NADK2: variants seen among roughly 807,000 people sequenced by gnomAD.
The protein encoded by NADK2 is NAD kinase 2, mitochondrial.
In NADK2, 35 loss-of-function variants were observed where a neutral mutation model predicts 62.1. The observed-to-expected ratio is 0.56, with a 90% CI of 0.43 to 0.75. The LOEUF is 0.75. Ranked by LOEUF, NADK2 falls within the 30% of genes least tolerant of loss-of-function variation. The pLI is 0.00. For synonymous variants in NADK2, 205 were observed against 207.9 expected (o/e 0.99, Z 0.12); for missense variants, 439 against 561.3 (o/e 0.78, Z 2.20).
chr5:36,226,999 G>A (rs190555614), intron 2 of NADK2, among the ~76,000 whole-genome samples: 11 of 152,126 alleles, frequency 7.2e-5, no homozygotes, highest in African/African-American at 9.6e-5. Flanking sequence ...ACCAGACACC[G>A]GAATAGTGAC....
intron 11 of NADK2, among the ~76,000 whole-genome samples, chr5:36,196,609 G>T (rs1407903946): frequency 6.6e-6 from 1 of 152,050 alleles, no homozygotes; most frequent in African/African-American, 2.4e-5. Context: ...TGGATTACTG[G>T]CAGTTCTTAC....
At chr5:36,211,803 A>C in intron 7 of NADK2, 41 bp downstream of exon 7, 1 of 1,530,536 alleles carries the variant, frequency 6.5e-7, no homozygotes, top group Non-Finnish European at 9.0e-7. Context: ...AAAGCACTAA[A>C]ACATTAAATT....
intron 7 of NADK2, among the ~76,000 whole-genome samples, chr5:36,207,749 T>G (rs1579606293): frequency 6.6e-6 from 1 of 152,282 alleles, no homozygotes; most frequent in East Asian, 1.9e-4. Context: ...ATGTACCTTT[T>G]GAATTGGTAG....
At chr5:36,208,133 G>T (rs1353877025) in intron 7 of NADK2, among the ~76,000 whole-genome samples, 1 of 152,076 alleles carries the variant, frequency 6.6e-6, no homozygotes, top group African/African-American at 2.4e-5. Context: ...GGACATGCTT[G>T]CAAACACTAA....
intron 5 of NADK2, among the ~76,000 whole-genome samples, chr5:36,218,616 CT>C (rs1747137421): frequency 6.6e-6 from 1 of 152,166 alleles, no homozygotes; most frequent in South Asian, 2.1e-4. Context: ...TCACAAACAT[CT>C]GTGGGAAAAG....
intron 6 of NADK2, among the ~76,000 whole-genome samples, chr5:36,216,552 T>C (rs1747051596): frequency 6.6e-6 from 1 of 152,158 alleles, no homozygotes; most frequent in Non-Finnish European, 1.5e-5. Flanking sequence ...GTATAATCTT[T>C]TGATTTTGAA....
intron 7 of NADK2, chr5:36,208,484 T>A: frequency 4.9e-6 from 3 of 614,982 alleles, no homozygotes; most frequent in Non-Finnish European, 8.5e-6. Context: ...GAAAGACAAG[T>A]ACAGTCAGGT....
intron 4 of NADK2, among the ~76,000 whole-genome samples, 198 bp downstream of exon 4, chr5:36,225,344 C>T (rs1447864734): frequency 6.6e-6 from 1 of 152,114 alleles, no homozygotes; most frequent in Non-Finnish European, 1.5e-5. Context: ...AGACACCATA[C>T]ACCTAGTAAA....
At chr5:36,200,741 G>C (rs547781152) in intron 9 of NADK2, among the ~76,000 whole-genome samples, 33 of 151,974 alleles carry the variant, frequency 2.2e-4, no homozygotes, top group African/African-American at 6.8e-4. Context: ...AGCTGACTTG[G>C]TTATTAGATC....
At chr5:36,221,672 T>C (rs1370320800) in intron 4 of NADK2, 1 of 152,194 alleles carries the variant, frequency 6.6e-6, no homozygotes, top group Non-Finnish European at 1.5e-5. Context: ...TTCTTCTAGC[T>C]AGAAAATAGA....
intron 4 of NADK2, chr5:36,221,950 G>A (rs983189867): frequency 6.6e-6 from 1 of 151,914 alleles, no homozygotes; most frequent in African/African-American, 2.4e-5. Context: ...GCTAGACTGG[G>A]GTTCTATCCC....
intron 1 of NADK2, among the ~76,000 whole-genome samples, chr5:36,235,993 T>C (rs886413725): frequency 6.6e-6 from 1 of 151,998 alleles, no homozygotes; most frequent in African/African-American, 2.4e-5. Context: ...ATTACAAAGT[T>C]CACTGATAGT....
intron 1 of NADK2, among the ~76,000 whole-genome samples, chr5:36,238,143 A>G (rs921094631): frequency 6.6e-6 from 1 of 152,222 alleles, no homozygotes; most frequent in African/African-American, 2.4e-5. Flanking sequence ...CTTATTGCAT[A>G]CAATGTAGCA....
chr5:36,212,115 C>T lies in NADK2; in HGVS notation c.782-193G>A, dbSNP rs3761974. On this transcript the variant is annotated intron_variant, in intron 6 of 11. Coordinates refer to ENST00000381937, the MANE Select transcript of NADK2 (RefSeq NM_001085411.3). ...TAAACCTTAAAGGAACCTAAACTTA[C>T]ACCTGTAATGAAGGCCCTCTCTCTG... 0.94 allele frequency: 412,195 copies of T among 437,138 alleles called. 196,008 individuals are homozygous for T. The highest frequency in any genetic ancestry group is 0.99 in the Non-Finnish European group (243,703 of 247,246). 27.1% of individuals were successfully genotyped at this position (437,138 alleles called of 1,614,324 possible).
At chr5:36,230,357 T>A (rs1358687998) in intron 1 of NADK2, among the ~76,000 whole-genome samples, 1 of 152,238 alleles carries the variant, frequency 6.6e-6, no homozygotes, top group Non-Finnish European at 1.5e-5. Context: ...CTGAAACAGC[T>A]GCTGCTAGTG....
intron 1 of NADK2, among the ~76,000 whole-genome samples, chr5:36,240,610 G>A (rs1032697377): frequency 2.6e-5 from 4 of 152,170 alleles, no homozygotes; most frequent in Non-Finnish European, 4.4e-5. Flanking sequence ...GGTGGATGGT[G>A]GTATGGGATC....
At chr5:36,235,128 G>C (rs1747854468) in intron 1 of NADK2, among the ~76,000 whole-genome samples, 1 of 152,058 alleles carries the variant, frequency 6.6e-6, no homozygotes, top group South Asian at 2.1e-4. Flanking sequence ...TGACACTGTA[G>C]CAAGTACTTT....
intron 10 of NADK2, 149 bp downstream of exon 10, chr5:36,200,078 T>C (rs543221340): frequency 5.0e-6 from 2 of 402,230 alleles, no homozygotes; most frequent in South Asian, 8.5e-5. Flanking sequence ...TTAATCTTTA[T>C]GTTGCTTAAA....
chr5:36,227,521 A>T lies in NADK2; in HGVS notation c.345T>A (p.His115Gln), dbSNP rs561852933. The T allele has an allele frequency of 7.1e-6, 11 of 1,559,334 alleles. No homozygotes were observed. Among genetic ancestry groups the T allele is most frequent in the Non-Finnish European group, 9.5e-6 (11 of 1,152,180 alleles). Residue 115 changes from histidine to glutamine, a missense_variant, in exon 2 of 12, where the codon CAT (histidine) becomes CAA (glutamine). Transcript: ENST00000381937. ...GTTCTACATTTTTGGTGTGAATATG[A>T]TGTCGTTCAAGAAGTCCACTGTAAC... is the stretch of plus-strand genomic sequence containing the variant. Reference protein sequence around the residue: ...GSSYSGLLERHHIHTKNVEHI... With the variant: ...GSSYSGLLERQHIHTKNVEHI...
Sources: allele counts gnomAD v4.1 joint callset (sites outside exome capture counted in the v4.1 genomes callset), GRCh38; gene constraint gnomAD v4.1.1; transcripts MANE v1.5; gene names NCBI Gene and HGNC (gene_info 2026-07-23, HGNC 2026-07-21).